DDX10: variants seen among roughly 807,000 people sequenced by gnomAD.
DDX10 encodes DEAD-box helicase 10, also known as probable ATP-dependent RNA helicase DDX10.
In DDX10, 74 loss-of-function variants were observed where a neutral mutation model predicts 104.3. The observed-to-expected ratio is 0.71, with a 90% CI of 0.59 to 0.86. The LOEUF (loss-of-function observed/expected upper bound fraction) is 0.86, where lower values mean the gene tolerates loss of function less well. Among genes scored for constraint, DDX10 ranks in the 40% least tolerant of loss-of-function variants. DDX10 has a pLI of 0.00. For synonymous variants in DDX10, 351 were observed against 353.4 expected (o/e 0.99, Z 0.08); for missense variants, 952 against 1,040.0 (o/e 0.92, Z 1.16).
intron 16 of DDX10, among the ~76,000 whole-genome samples, chr11:108,887,468 A>G (rs545844164): frequency 7.4e-4 from 109 of 147,940 alleles, no homozygotes; most frequent in Admixed American, 1.2e-3. Flanking sequence ...TTTTTTTCTT[A>G]AAAAAAAAGA....
At position 108,780,063 on chromosome 11, in the gene DDX10, C is replaced by T. The variant is rs187944164; in HGVS notation, c.1965+56601C>T. ...CCTTAATGGTTGATCAAGGATTAAA[C>T]TATAAAGTTTTTAGAAAGCATTGGC... On this transcript the variant is annotated intron_variant, in intron 13 of 17. Coordinates refer to ENST00000322536, the MANE Select transcript of DDX10 (RefSeq NM_004398.4). Among the ~76,000 whole-genome samples the T allele has an allele frequency of 8.9e-4, 135 of 152,296 alleles. 1 individual carries two copies. Among genetic ancestry groups the T allele is most frequent in the Non-Finnish European group, 3.2e-4 (22 of 68,020 alleles).
At chr11:108,777,582 T>G (rs2726881) in intron 13 of DDX10, among the ~76,000 whole-genome samples, 7 of 152,134 alleles carry the variant, frequency 4.6e-5, no homozygotes, top group Non-Finnish European at 7.3e-5. Flanking sequence ...TTCAGCCTCC[T>G]GAAGTGCTGG....
intron 16 of DDX10, among the ~76,000 whole-genome samples, chr11:108,909,036 C>T (rs1382796406): frequency 1.3e-5 from 2 of 152,292 alleles, no homozygotes; most frequent in Admixed American, 6.5e-5. Context: ...AGGAGTGTCT[C>T]TGGTTTTACT....
intron 1 of DDX10, among the ~76,000 whole-genome samples, chr11:108,670,879 C>T (rs1465582540): frequency 4.6e-5 from 7 of 151,890 alleles, no homozygotes; most frequent in Non-Finnish European, 1.0e-4. Flanking sequence ...ACAGGTGGAG[C>T]ATTCTAGGGC....
At chr11:108,668,285 T>C (rs1410713419) in intron 1 of DDX10, among the ~76,000 whole-genome samples, 1 of 152,236 alleles carries the variant, frequency 6.6e-6, no homozygotes, top group Non-Finnish European at 1.5e-5. Flanking sequence ...AAAGGAGTTC[T>C]AAGCCAGGTA....
At chr11:108,784,318 G>T (rs1442798298) in intron 13 of DDX10, among the ~76,000 whole-genome samples, 1 of 151,718 alleles carries the variant, frequency 6.6e-6, no homozygotes, top group Admixed American at 6.6e-5. Context: ...TTATTTTTTT[G>T]ACTTTTTTAG....
intron 13 of DDX10, among the ~76,000 whole-genome samples, chr11:108,766,762 T>C (rs1591812768): frequency 6.6e-6 from 1 of 152,204 alleles, no homozygotes; most frequent in Admixed American, 6.5e-5. Context: ...CCTGCACCAG[T>C]GCCTGGTACA....
chr11:108,671,283 C>T (rs1408108724), intron 1 of DDX10, among the ~76,000 whole-genome samples: 2 of 152,238 alleles, frequency 1.3e-5, no homozygotes, highest in Non-Finnish European at 2.9e-5. Flanking sequence ...CCTGCCTCAG[C>T]CTCCCAAGTA....
intron 17 of DDX10, among the ~76,000 whole-genome samples, chr11:108,938,129 T>G (rs1419266764): frequency 6.6e-6 from 1 of 152,232 alleles, no homozygotes; most frequent in Non-Finnish European, 1.5e-5. Flanking sequence ...ATTTCATTAT[T>G]GCATATTTCA....
chr11:108,791,322 G>A (rs879497579), intron 13 of DDX10, among the ~76,000 whole-genome samples: 4 of 152,220 alleles, frequency 2.6e-5, no homozygotes, highest in Admixed American at 6.5e-5. Flanking sequence ...CGCAGCTGAT[G>A]CTGTGTGGAT....
chr11:108,854,165 G>A (rs960952658), intron 16 of DDX10, among the ~76,000 whole-genome samples: 38 of 152,144 alleles, frequency 2.5e-4, no homozygotes, highest in African/African-American at 9.2e-4. Context: ...CCAACCTTTT[G>A]CACCCAACTT....
At chr11:108,860,537 A>AT (rs907337260) in intron 16 of DDX10, 48 of 149,134 alleles carry the variant, frequency 3.2e-4, no homozygotes, top group South Asian at 1.5e-3. Flanking sequence ...GGAAGCCACT[A>AT]TTTTTTTTTT....
chr11:108,939,516 A>G (rs1266963642), intron 17 of DDX10, among the ~76,000 whole-genome samples: 4 of 152,218 alleles, frequency 2.6e-5, no homozygotes, highest in Non-Finnish European at 5.9e-5. Context: ...TTTTAATCAT[A>G]TATCCAATAA....
chr11:108,678,458 TTA>T, intron 5 of DDX10, 23 bp downstream of exon 5: 2 of 1,552,690 alleles, frequency 1.3e-6, no homozygotes, highest in Admixed American at 2.2e-5. Context: ...AATTTCTAAT[TTA>T]AAAAAAAAAA....
intron 16 of DDX10, among the ~76,000 whole-genome samples, chr11:108,854,032 T>A (rs1222741122): frequency 6.6e-6 from 1 of 152,020 alleles, no homozygotes. Flanking sequence ...TTTGTAAGAG[T>A]GATATTACCA....
intron 13 of DDX10, among the ~76,000 whole-genome samples, chr11:108,746,884 T>G (rs550649061): frequency 2.3e-4 from 35 of 152,176 alleles, no homozygotes; most frequent in African/African-American, 8.4e-4. Context: ...CCTCTTAGCT[T>G]GGTTTGCTAT....
At chr11:108,863,221 A>T (rs1862963316) in intron 16 of DDX10, among the ~76,000 whole-genome samples, 2 of 152,314 alleles carry the variant, frequency 1.3e-5, no homozygotes, top group South Asian at 4.1e-4. Context: ...AGGGGGAAGT[A>T]GGCACTTTTT....
rs574447897 is a variant in DDX10, at chr11:108,914,888, T to G, written c.2305-2985T>G. 2.0e-5 allele frequency among the ~76,000 whole-genome samples: 3 copies of G among 146,544 alleles called. No individual in the cohort carries two copies. In the South Asian group the frequency reaches 6.4e-4, roughly 31 times the overall value. ...AGCTGAAAAGTACAGTTACTGAAAT[T>G]TAAAAAATTGCCAGGTGAGCTCAAA... On this transcript the variant is annotated intron_variant, in intron 16 of 17. Coordinates refer to ENST00000322536, the MANE Select transcript of DDX10 (RefSeq NM_004398.4).
At chr11:108,898,573 T>C (rs1347932024) in intron 16 of DDX10, among the ~76,000 whole-genome samples, 1 of 151,352 alleles carries the variant, frequency 6.6e-6, no homozygotes, top group East Asian at 1.9e-4. Context: ...TCAGACAATA[T>C]GAATATTCAT....
Sources: gnomAD v4.1 joint callset for allele counts (sites outside exome capture counted in the v4.1 genomes callset) on GRCh38, gnomAD v4.1.1 for gene constraint, MANE v1.5 for transcripts, NCBI Gene and HGNC (gene_info 2026-07-23, HGNC 2026-07-21) for gene names.